RIMS2: variants seen among roughly 807,000 people sequenced by gnomAD.
RIMS2 encodes regulating synaptic membrane exocytosis protein 2.
In RIMS2, 59 loss-of-function variants were observed where a neutral mutation model predicts 174.4. The ratio of observed to expected loss-of-function variants is 0.34; its 90% CI spans 0.27 to 0.42. The LOEUF (loss-of-function observed/expected upper bound fraction) is 0.42. Ranked by LOEUF, RIMS2 falls within the 10% of genes least tolerant of loss-of-function variation. The pLI, the probability that RIMS2 is intolerant of heterozygous loss-of-function variation, is 1.00. For missense variants in RIMS2, 1,620 were observed against 1,666.3 expected (o/e 0.97, Z 0.48); for synonymous variants, 606 against 572.5 (o/e 1.06, Z -0.84).
chr8:103,556,742 A>G (rs374679944), intron 1 of RIMS2, among the ~76,000 whole-genome samples: 10 of 152,240 alleles, frequency 6.6e-5, no homozygotes, highest in African/African-American at 2.4e-4. Context: ...TGTTCTCAGT[A>G]AGTTTGTGTT....
intron 3 of RIMS2, among the ~76,000 whole-genome samples, chr8:103,856,236 G>A (rs2099027001): frequency 6.6e-6 from 1 of 152,088 alleles, no homozygotes; most frequent in South Asian, 2.1e-4. Context: ...TTCCATTTGG[G>A]TGGTAAATCT....
At chr8:103,537,784 G>C (rs1840527789) in intron 1 of RIMS2, among the ~76,000 whole-genome samples, 1 of 151,836 alleles carries the variant, frequency 6.6e-6, no homozygotes, top group African/African-American at 2.4e-5. Context: ...TCTTTGCCAT[G>C]GTCTTTTGCT....
chr8:103,978,380 G>A (rs1450125195), intron 16 of RIMS2, among the ~76,000 whole-genome samples: 1 of 117,154 alleles, frequency 8.5e-6, no homozygotes, highest in Non-Finnish European at 2.2e-5. Flanking sequence ...AAAAAAAAAT[G>A]AATGCAATGT....
chr8:104,042,099 G>A (rs760919836), intron 19 of RIMS2, among the ~76,000 whole-genome samples: 21 of 151,156 alleles, frequency 1.4e-4, no homozygotes, highest in Admixed American at 4.0e-4. Context: ...AAATATGTAT[G>A]TACATGTATA....
At chr8:103,800,495 A>G (rs1282549730) in intron 3 of RIMS2, among the ~76,000 whole-genome samples, 1 of 152,164 alleles carries the variant, frequency 6.6e-6, no homozygotes, top group Non-Finnish European at 1.5e-5. Flanking sequence ...TTAGACTGAG[A>G]AAATTGTCTT....
At chr8:103,749,358 C>T (rs113115364) in intron 2 of RIMS2, among the ~76,000 whole-genome samples, 4 of 152,024 alleles carry the variant, frequency 2.6e-5, no homozygotes, top group African/African-American at 9.7e-5. Flanking sequence ...GTGATCCGCC[C>T]GCCTTGGCCT....
intron 1 of RIMS2, among the ~76,000 whole-genome samples, chr8:103,579,380 A>T (rs1452733550): frequency 6.6e-6 from 1 of 152,182 alleles, no homozygotes; most frequent in African/African-American, 2.4e-5. Context: ...GAAGGTATAA[A>T]ACCTACTGAT....
chr8:104,132,464 G>A (rs2098481000), intron 19 of RIMS2, among the ~76,000 whole-genome samples: 1 of 152,074 alleles, frequency 6.6e-6, no homozygotes, highest in African/African-American at 2.4e-5. Flanking sequence ...ACCTAAATTT[G>A]CTAATATTTA....
At chr8:103,632,613 T>G (rs1462136740) in intron 1 of RIMS2, among the ~76,000 whole-genome samples, 2 of 147,322 alleles carry the variant, frequency 1.4e-5, no homozygotes, top group East Asian at 4.1e-4. Flanking sequence ...TAGAGACAGG[T>G]TTTTACTATG....
chr8:103,910,875 A>G (rs1043889009), intron 5 of RIMS2, among the ~76,000 whole-genome samples: 1 of 152,192 alleles, frequency 6.6e-6, no homozygotes, highest in Non-Finnish European at 1.5e-5. Flanking sequence ...GGCTTATTTG[A>G]TTGTTTGCAT....
At chr8:104,210,908 G>A (rs1394768442) in intron 19 of RIMS2, among the ~76,000 whole-genome samples, 1 of 152,194 alleles carries the variant, frequency 6.6e-6, no homozygotes, top group Non-Finnish European at 1.5e-5. Context: ...TCTTGGGGTT[G>A]GGAGTAAGAT....
intron 1 of RIMS2, among the ~76,000 whole-genome samples, chr8:103,558,223 A>C (rs866142472): frequency 7.9e-5 from 12 of 152,006 alleles, no homozygotes; most frequent in Non-Finnish European, 1.0e-4. Flanking sequence ...ATTTATTTTT[A>C]TTTTATTTTA....
At chr8:104,209,287 C>G (rs1207572709) in intron 19 of RIMS2, among the ~76,000 whole-genome samples, 1 of 152,342 alleles carries the variant, frequency 6.6e-6, no homozygotes, top group East Asian at 1.9e-4. Flanking sequence ...TCTGCCTTTA[C>G]TAGCTGTGAG....
At chr8:104,249,451 T>C (rs2140246334) in intron 21 of RIMS2, 36 bp from the exon 28 acceptor site, 2 of 1,146,906 alleles carry the variant, frequency 1.7e-6, no homozygotes, top group Non-Finnish European at 2.6e-6. Flanking sequence ...TGCATTTGTA[T>C]ATTAAAGCAC....
chr8:103,538,648 C>T (rs547305389), intron 1 of RIMS2, among the ~76,000 whole-genome samples: 10 of 152,308 alleles, frequency 6.6e-5, no homozygotes, highest in African/African-American at 1.7e-4. Flanking sequence ...TCCCAAGTAG[C>T]TGGGACTGCA....
intron 19 of RIMS2, among the ~76,000 whole-genome samples, chr8:104,124,203 G>C (rs1009688559): frequency 2.0e-5 from 3 of 152,172 alleles, no homozygotes; most frequent in African/African-American, 7.2e-5. Context: ...TATGGTTCTA[G>C]ATATACTAAG....
At chr8:103,663,090 A>G (rs1303853677) in intron 1 of RIMS2, among the ~76,000 whole-genome samples, 2 of 152,022 alleles carry the variant, frequency 1.3e-5, no homozygotes, top group African/African-American at 4.8e-5. Flanking sequence ...AATTGCTTGA[A>G]TCTGGGAGGC....
At chr8:103,968,083 A>T (rs1055573026) in intron 15 of RIMS2, among the ~76,000 whole-genome samples, 5 of 150,530 alleles carry the variant, frequency 3.3e-5, no homozygotes, top group African/African-American at 9.7e-5. Context: ...CTGGTCTCAA[A>T]CTCCTGACCT....
chr8:104,112,309 T>C (rs143056537), intron 19 of RIMS2, among the ~76,000 whole-genome samples: 44 of 152,250 alleles, frequency 2.9e-4, no homozygotes, highest in Non-Finnish European at 5.6e-4. Flanking sequence ...TTTTAACAAA[T>C]AATAATGTTG....
Sources: gnomAD v4.1 joint callset for allele counts (sites outside exome capture counted in the v4.1 genomes callset) on GRCh38, gnomAD v4.1.1 for gene constraint, MANE v1.5 for transcripts, NCBI Gene and HGNC (gene_info 2026-07-23, HGNC 2026-07-21) for gene names.